DLG2: variants seen among roughly 807,000 people sequenced by gnomAD.
DLG2 encodes the protein disks large homolog 2.
A neutral mutation model predicts 132.5 loss-of-function variants in DLG2; 45 were observed. The ratio of observed to expected loss-of-function variants is 0.34; its 90% CI spans 0.27 to 0.44. DLG2 has a LOEUF of 0.44. Among genes scored for constraint, DLG2 ranks in the 20% least tolerant of loss-of-function variants. DLG2 has a pLI of 1.00. For synonymous variants in DLG2, 424 were observed against 419.6 expected, an observed-to-expected ratio of 1.01 and a Z score of -0.13; for missense variants, 1,045 against 1,196.9, an observed-to-expected ratio of 0.87 and a Z score of 1.87.
chr11:84,112,057 G>T (rs1344447927), intron 9 of DLG2, among the ~76,000 whole-genome samples: 1 of 151,638 alleles, frequency 6.6e-6, no homozygotes, highest in Non-Finnish European at 1.5e-5. Flanking sequence ...CTGTTGCCCA[G>T]ACTGGAGTAC....
chr11:84,277,316 T>C (rs1348790926), intron 7 of DLG2, among the ~76,000 whole-genome samples: 5 of 152,284 alleles, frequency 3.3e-5, no homozygotes, highest in Middle Eastern at 6.8e-3. Context: ...AGATAGAACA[T>C]ATTTTTAACT....
At chr11:85,233,536 G>T (rs1450737214) in intron 4 of DLG2, among the ~76,000 whole-genome samples, 1 of 151,716 alleles carries the variant, frequency 6.6e-6, no homozygotes, top group Non-Finnish European at 1.5e-5. Flanking sequence ...ATCTCTCCAG[G>T]TTTGGTCATA....
At chr11:84,246,559 G>C (rs549553139) in intron 8 of DLG2, among the ~76,000 whole-genome samples, 11 of 152,288 alleles carry the variant, frequency 7.2e-5, no homozygotes, top group Middle Eastern at 3.4e-3. Context: ...AAAAAGAAAA[G>C]AGACAGCATT....
chr11:84,104,410 G>A (rs2092760316), intron 9 of DLG2, among the ~76,000 whole-genome samples: 1 of 151,996 alleles, frequency 6.6e-6, no homozygotes, highest in Admixed American at 6.6e-5. Flanking sequence ...ATAGATACTG[G>A]GAAATATAAG....
At chr11:83,614,368 C>T (rs2060506768) in intron 19 of DLG2, among the ~76,000 whole-genome samples, 1 of 152,168 alleles carries the variant, frequency 6.6e-6, no homozygotes, top group African/African-American at 2.4e-5. Context: ...AGATTTCTTT[C>T]TTAGCACATT....
intron 7 of DLG2, 93 bp from the exon 8 acceptor site, chr11:84,251,384 G>T (rs765769412): frequency 2.0e-6 from 2 of 997,910 alleles, no homozygotes; most frequent in Non-Finnish European, 2.9e-6. Flanking sequence ...AGCTCAACAG[G>T]CATTTCTTGA....
At chr11:83,886,045 G>T (rs61900053) in intron 15 of DLG2, among the ~76,000 whole-genome samples, 1 of 152,074 alleles carries the variant, frequency 6.6e-6, no homozygotes, top group Non-Finnish European at 1.5e-5. Flanking sequence ...ATCAACTAAC[G>T]ACCAAAATAA....
At chr11:85,031,380 CCTAT>C (rs71465018) in intron 6 of DLG2, among the ~76,000 whole-genome samples, 14,477 of 152,044 alleles carry the variant, frequency 0.095, 944 homozygotes, top group Non-Finnish European at 0.14. Flanking sequence ...AATTTGAGAG[CCTAT>C]CTTTTTATAA....
chr11:85,114,606 A>G (rs1027402548), intron 5 of DLG2, among the ~76,000 whole-genome samples: 2 of 152,004 alleles, frequency 1.3e-5, no homozygotes, highest in African/African-American at 4.8e-5. Context: ...AAAAACAGAC[A>G]GGTTGATGTC....
intron 16 of DLG2, among the ~76,000 whole-genome samples, chr11:83,835,804 T>C (rs2055986855): frequency 6.6e-6 from 1 of 152,206 alleles, no homozygotes; most frequent in African/African-American, 2.4e-5. Context: ...TGGAAAAATC[T>C]GCTTCCAAAT....
intron 21 of DLG2, among the ~76,000 whole-genome samples, chr11:83,521,423 G>C (rs1012830876): frequency 6.6e-6 from 1 of 152,100 alleles, no homozygotes; most frequent in African/African-American, 2.4e-5. Context: ...ACCTGGGTTG[G>C]TTTTCAGTTT....
At chr11:83,607,033 G>A (rs974253768) in intron 19 of DLG2, among the ~76,000 whole-genome samples, 3 of 152,248 alleles carry the variant, frequency 2.0e-5, no homozygotes, top group Admixed American at 6.5e-5. Context: ...GAGACACAGC[G>A]GGCTCAGAGA....
At chr11:84,287,255 C>A (rs1156893913) in intron 7 of DLG2, among the ~76,000 whole-genome samples, 1 of 152,066 alleles carries the variant, frequency 6.6e-6, no homozygotes, top group Non-Finnish European at 1.5e-5. Context: ...AGGGCCTAAC[C>A]TCCATTACAT....
At chr11:84,852,623 A>G (rs2154023184) in intron 6 of DLG2, among the ~76,000 whole-genome samples, 1 of 151,562 alleles carries the variant, frequency 6.6e-6, no homozygotes, top group African/African-American at 2.4e-5. Flanking sequence ...TAGAATGCTG[A>G]AGTATAAGAC....
intron 18 of DLG2, among the ~76,000 whole-genome samples, chr11:83,734,377 T>TTCCCTCCC (rs2091555148): frequency 6.9e-6 from 1 of 144,876 alleles, no homozygotes; most frequent in Admixed American, 6.8e-5. Context: ...CCTTCCTTCC[T>TTCCCTCCC]TCCTTCCTTC....
chr11:84,707,247 A>G (rs1357919972), intron 6 of DLG2, among the ~76,000 whole-genome samples: 1 of 151,792 alleles, frequency 6.6e-6, no homozygotes, highest in Non-Finnish European at 1.5e-5. Flanking sequence ...CTGCCTCCCC[A>G]GAACCCAGAA....
chr11:85,015,759 G>C (rs956890516), intron 6 of DLG2, among the ~76,000 whole-genome samples: 2 of 152,120 alleles, frequency 1.3e-5, no homozygotes, highest in Non-Finnish European at 2.9e-5. Flanking sequence ...TTTATCTTCT[G>C]TGTCAAGAAT....
intron 6 of DLG2, among the ~76,000 whole-genome samples, chr11:84,650,873 G>GTATATATATATATATA (rs71274437): frequency 2.3e-4 from 29 of 123,928 alleles, no homozygotes; most frequent in South Asian, 7.9e-4. Context: ...GTGTGTGTGT[G>GTATATATATATATATA]TATATATATA....
Position 84,656,263 on chromosome 11 carries a change from T to C in DLG2, c.358-121532A>G, listed in dbSNP as rs574132103. Reference sequence around the variant, plus strand: ...ATGTGTATAACCAGTCCAATCTTTCTGAAGTATTCAGAAATATATCCAACA... The same window carrying C: ...ATGTGTATAACCAGTCCAATCTTTCCGAAGTATTCAGAAATATATCCAACA... On this transcript the variant is annotated intron_variant, in intron 6 of 27. Transcript: ENST00000376104. 4.6e-5 allele frequency among the ~76,000 whole-genome samples: 7 copies of C among 152,286 alleles called. No homozygotes were observed. The South Asian group carries it at 1.4e-3, about 32-fold the overall frequency.
Sources: allele counts gnomAD v4.1 joint callset (sites outside exome capture counted in the v4.1 genomes callset), GRCh38; gene constraint gnomAD v4.1.1; transcripts MANE v1.5; gene names NCBI Gene and HGNC (gene_info 2026-07-23, HGNC 2026-07-21).